The following CNTN4 variants were observed in gnomAD, a reference collection of about 807,000 sequenced individuals.
CNTN4 encodes the protein contactin 4.
A neutral mutation model predicts 122.5 loss-of-function variants in CNTN4; 77 were observed. That is an observed-to-expected ratio of 0.63 (90% CI 0.52 to 0.76). The LOEUF (loss-of-function observed/expected upper bound fraction) is 0.76, where lower values mean the gene tolerates loss of function less well. Ranked by LOEUF, CNTN4 falls within the 30% of genes least tolerant of loss-of-function variation. CNTN4 has a pLI of 0.00. For missense variants in CNTN4, 1,256 were observed against 1,259.1 expected, an observed-to-expected ratio of 1.00 and a Z score of 0.04; for synonymous variants, 512 against 447.0, an observed-to-expected ratio of 1.15 and a Z score of -1.83.
intron 14 of CNTN4, among the ~76,000 whole-genome samples, chr3:3,003,595 C>T (rs545133653): frequency 7.3e-6 from 1 of 136,668 alleles, no homozygotes; most frequent in African/African-American, 2.7e-5. Flanking sequence ...TTCAAGGAGG[C>T]AAGAATTAGG....
chr3:2,099,111 G>C (rs1171740067), intron 1 of CNTN4, 133 bp downstream of exon 1: 1 of 152,212 alleles, frequency 6.6e-6, no homozygotes, highest in African/African-American at 2.4e-5. Context: ...GCTTCCCGGG[G>C]CTCTGACTCC....
chr3:2,207,357 C>A (rs1452601318), intron 2 of CNTN4, among the ~76,000 whole-genome samples: 4 of 152,072 alleles, frequency 2.6e-5, no homozygotes, highest in Non-Finnish European at 5.9e-5. Context: ...ATGTCGAAAG[C>A]TGAGAGTAGG....
chr3:2,473,779 G>A (rs545774505), intron 3 of CNTN4, among the ~76,000 whole-genome samples: 4 of 152,206 alleles, frequency 2.6e-5, no homozygotes, highest in South Asian at 2.1e-4. Context: ...TTGGGAGGCC[G>A]AGGTGGGCGG....
chr3:2,634,144 A>G (rs1456055160), intron 4 of CNTN4, among the ~76,000 whole-genome samples: 3 of 152,240 alleles, frequency 2.0e-5, no homozygotes, highest in Admixed American at 2.0e-4. Context: ...TTCACTACAC[A>G]AATGTATTAG....
At chr3:2,516,277 G>A (rs760725753) in intron 3 of CNTN4, among the ~76,000 whole-genome samples, 1 of 152,064 alleles carries the variant, frequency 6.6e-6, no homozygotes, top group Non-Finnish European at 1.5e-5. Context: ...CCTGTTGTAA[G>A]TAGAATCCGT....
chr3:2,377,748 T>C (rs2045873432), intron 3 of CNTN4, among the ~76,000 whole-genome samples: 1 of 150,374 alleles, frequency 6.7e-6, no homozygotes, highest in African/African-American at 2.5e-5. Flanking sequence ...TTTGTAAACT[T>C]TCTTAAAACA....
intron 2 of CNTN4, among the ~76,000 whole-genome samples, chr3:2,120,555 A>G (rs181105872): frequency 0.011 from 1,643 of 151,262 alleles, 26 homozygotes; most frequent in African/African-American, 0.038. Context: ...GGTGCACACC[A>G]CTATGCCCAG....
intron 7 of CNTN4, among the ~76,000 whole-genome samples, chr3:2,850,054 A>G (rs1051881659): frequency 2.0e-5 from 3 of 150,026 alleles, no homozygotes; most frequent in African/African-American, 7.4e-5. Context: ...CAGTGGTGCA[A>G]TCTCAGCTCA....
At chr3:2,684,776 A>G (rs1362799126) in intron 4 of CNTN4, among the ~76,000 whole-genome samples, 2 of 152,226 alleles carry the variant, frequency 1.3e-5, no homozygotes, top group South Asian at 2.1e-4. Context: ...AAATAGTTTA[A>G]CAAAAATTTG....
At chr3:2,502,774 G>A (rs1381987519) in intron 3 of CNTN4, among the ~76,000 whole-genome samples, 1 of 152,108 alleles carries the variant, frequency 6.6e-6, no homozygotes, top group Admixed American at 6.6e-5. Flanking sequence ...CTGAGGACAC[G>A]ACTAATAAAT....
chr3:2,908,676 T>G (rs1170343861), intron 12 of CNTN4, among the ~76,000 whole-genome samples: 1 of 152,220 alleles, frequency 6.6e-6, no homozygotes, highest in South Asian at 2.1e-4. Context: ...GTTCCAGAAG[T>G]GGTGGGGGTC....
chr3:2,998,402 C>G (rs1259581722), intron 14 of CNTN4, among the ~76,000 whole-genome samples: 3 of 152,102 alleles, frequency 2.0e-5, no homozygotes, highest in African/African-American at 7.2e-5. Flanking sequence ...TACCTCTGAC[C>G]TGCAGAACCA....
chr3:2,153,519 AC>A (rs1264571765), intron 2 of CNTN4, among the ~76,000 whole-genome samples: 1 of 152,216 alleles, frequency 6.6e-6, no homozygotes, highest in African/African-American at 2.4e-5. Flanking sequence ...GATTTTAAAC[AC>A]GAATATAGGC....
At chr3:3,045,732 C>T (rs1700578730) in intron 23 of CNTN4, among the ~76,000 whole-genome samples, 1 of 152,212 alleles carries the variant, frequency 6.6e-6, no homozygotes, top group Non-Finnish European at 1.5e-5. Context: ...CTCTCCTCCT[C>T]CAAAGGAACG....
At chr3:2,312,218 A>G (rs982796488) in intron 2 of CNTN4, among the ~76,000 whole-genome samples, 1 of 151,998 alleles carries the variant, frequency 6.6e-6, no homozygotes. Flanking sequence ...TGACCAGTGG[A>G]ATACCAGTGG....
At chr3:2,815,735 A>T (rs566353402) in intron 6 of CNTN4, among the ~76,000 whole-genome samples, 1 of 152,288 alleles carries the variant, frequency 6.6e-6, no homozygotes, top group South Asian at 2.1e-4. Flanking sequence ...ACTACTGAGT[A>T]TCTACCCAGA....
chr3:2,648,656 TATTGAA>T (rs1559344801), intron 4 of CNTN4, among the ~76,000 whole-genome samples: 1 of 152,082 alleles, frequency 6.6e-6, no homozygotes, highest in Admixed American at 6.6e-5. Flanking sequence ...GAAACAACAA[TATTGAA>T]ATTAGGCCAA....
At chr3:2,795,097 A>G (rs1028546877) in intron 6 of CNTN4, among the ~76,000 whole-genome samples, 6 of 152,350 alleles carry the variant, frequency 3.9e-5, no homozygotes, top group Admixed American at 1.3e-4. Context: ...TAATATATGT[A>G]ATTCCATTCT....
At chr3:2,268,907 A>T (rs1153495) in intron 2 of CNTN4, among the ~76,000 whole-genome samples, 113,573 of 151,908 alleles carry the variant, frequency 0.75, 42,629 homozygotes, top group South Asian at 0.8. Context: ...CCTCCTTTTT[A>T]TATATGTGGG....
Sources: gnomAD v4.1 joint callset for allele counts (sites outside exome capture counted in the v4.1 genomes callset) on GRCh38, gnomAD v4.1.1 for gene constraint, MANE v1.5 for transcripts, NCBI Gene and HGNC (gene_info 2026-07-23, HGNC 2026-07-21) for gene names.